The following OR4D9 variants were observed in gnomAD, a reference collection of about 807,000 sequenced individuals.
The protein encoded by OR4D9 is olfactory receptor 4D9.
A neutral mutation model predicts 0.8 loss-of-function variants in OR4D9; 2 were observed. That is an observed-to-expected ratio of 2.58 (90% CI 1.06 to 8.13). The LOEUF (loss-of-function observed/expected upper bound fraction) is 8.13, where lower values mean the gene tolerates loss of function less well. OR4D9 is among the 30% of genes most tolerant of loss of function. The pLI is 0.04. For missense variants in OR4D9, 399 were observed against 384.7 expected (o/e 1.04, Z -0.31); for synonymous variants, 146 against 151.2 (o/e 0.97, Z 0.25).
chr11:59,515,333 T>A lies in OR4D9; in HGVS notation c.421T>A (p.Cys141Ser), dbSNP rs1259352757. ...TATGACCATCATGAGTAGGGGGCGA[T>A]GCACAGGCCTCATCGTGGCTTCCTG... Reference protein sequence around the residue: ...HYMTIMSRGRCTGLIVASWVG... With the variant: ...HYMTIMSRGRSTGLIVASWVG... Residue 141 changes from cysteine (C) to serine (S), a missense_variant, in exon 3 of 3, where the codon TGC becomes AGC. Coordinates refer to ENST00000641962, the MANE Select transcript of OR4D9 (RefSeq NM_001004711.2). 1 of 1,613,884 alleles carries A rather than the reference T, an allele frequency of 6.2e-7. No homozygotes were observed. Among genetic ancestry groups the A allele is most frequent in the Non-Finnish European group, 8.5e-7 (1 of 1,179,918 alleles).
Position 59,512,735 on chromosome 11 carries a change from G to A in OR4D9, c.-125+989G>A, listed in dbSNP as rs959719572. Among the ~76,000 whole-genome samples the A allele has an allele frequency of 1.0e-3, 158 of 151,830 alleles. 3 individuals carry two copies. Among genetic ancestry groups the A allele is most frequent in the Admixed American group, 0.01 (157 of 15,236 alleles). On this transcript the variant is annotated intron_variant, in intron 1 of 2. Coordinates refer to ENST00000641962, the MANE Select transcript of OR4D9 (RefSeq NM_001004711.2). ...TAGTCCCAGCTACTGGGGAGGCTGA[G>A]GTGGGAGGATCAATTGAGCCCAGGA...
In OR4D9 at chr11:59,514,926, A is replaced by T; in HGVS notation, c.14A>T (p.Asn5Ile). Residue 5 changes from asparagine (N) to isoleucine (I), a missense_variant, in exon 3 of 3, where the codon AAT (asparagine) becomes ATT (isoleucine). By Grantham distance (149) the Asn-to-Ile change is moderately radical. Coordinates refer to ENST00000641962, the MANE Select transcript of OR4D9 (RefSeq NM_001004711.2). ...ATCTGTGATTCAATGGATCAGAGAA[A>T]TTACACCAGAGTGAAAGAATTTACC... MDQR[N>I]YTRVKEFTFL... The T allele has an allele frequency of 3.7e-6, 6 of 1,608,850 alleles. No individual in the cohort carries two copies. Among genetic ancestry groups the T allele is most frequent in the Non-Finnish European group, 5.1e-6 (6 of 1,176,400 alleles).
Position 59,515,760 on chromosome 11 carries a change from A to G in OR4D9, c.848A>G (p.Asn283Ser), listed in dbSNP as rs1247679629. ...TTCACTGTCATCTCCCCTTTGCTCA[A>G]TCCTATAATTTACACGCTGAGGAAT... ...VTFTVISPLL[N>S]PIIYTLRNQE... Residue 283 changes from asparagine (N) to serine (S), a missense_variant, in exon 3 of 3, where the codon AAT (asparagine) becomes AGT (serine). Transcript: ENST00000641962. 3 of 1,614,084 alleles carry G rather than the reference A, an allele frequency of 1.9e-6. No individual in the cohort carries two copies. The highest frequency in any genetic ancestry group is 3.3e-5 in the Admixed American group (2 of 60,010).
intron 1 of OR4D9, 47 bp downstream of exon 1, chr11:59,511,793 T>G (rs752515880): frequency 1.3e-5 from 2 of 152,192 alleles, no homozygotes; most frequent in Non-Finnish European, 2.9e-5. Context: ...TTGCAAAATA[T>G]AGGAAGATGG....
chr11:59,515,506 G>A lies in OR4D9; in HGVS notation c.594G>A (p.Leu198=). ...ACTDTFTLEL[L]MISNNGLVSW... ...CTGACACCTTCACTCTGGAGCTCCT[G>A]ATGATTTCAAATAATGGGTTAGTCA... is the stretch of plus-strand genomic sequence containing the variant. The change falls in exon 3 of 3, where the codon CTG becomes CTA. Residue 198 remains leucine (L), a synonymous_variant. Transcript: ENST00000641962. 1.2e-6 allele frequency: 2 copies of A among 1,614,122 alleles called. No homozygotes were observed. Among genetic ancestry groups the A allele is most frequent in the Non-Finnish European group, 1.7e-6 (2 of 1,180,018 alleles).
At position 59,518,209 on chromosome 11, in the gene OR4D9, A is replaced by C. The variant is rs1859429280; in HGVS notation, c.*2352A>C. Reference sequence around the variant, plus strand: ...TCACCATACTGTGTTCCCCACTATGATAAAGCTCAAGCCATAGCAGCTGGC... The same window carrying C: ...TCACCATACTGTGTTCCCCACTATGCTAAAGCTCAAGCCATAGCAGCTGGC... On this transcript the variant is annotated 3_prime_UTR_variant, in exon 3 of 3. Transcript: ENST00000641962. The C allele has an allele frequency of 1.3e-5, 2 of 152,250 alleles. No homozygotes were observed. Among genetic ancestry groups the C allele is most frequent in the African/African-American group, 4.8e-5 (2 of 41,460 alleles). The allele number at this position is 152,250 out of a possible 1,614,324, so 9.4% of individuals were successfully genotyped here.
In OR4D9 at chr11:59,516,977, G is replaced by A. The variant is rs1278494299; in HGVS notation, c.*1120G>A. On this transcript the variant is annotated 3_prime_UTR_variant, in exon 3 of 3. Coordinates refer to ENST00000641962, the MANE Select transcript of OR4D9 (RefSeq NM_001004711.2). Reference sequence around the variant, plus strand: ...CCAGCTACTGGGGAGGCTGAGGCGGGAGAATGGCATGAACCCGGGAAGCAG... The same window carrying A: ...CCAGCTACTGGGGAGGCTGAGGCGGAAGAATGGCATGAACCCGGGAAGCAG... 2.6e-5 allele frequency: 4 copies of A among 152,180 alleles called. No individual in the cohort carries two copies. The East Asian group carries it at 7.7e-4, about 29-fold the overall frequency. 9.4% of individuals were successfully genotyped at this position (152,180 alleles called of 1,614,324 possible). A position where few individuals can be genotyped will look rare whatever the true frequency, so the allele number is the denominator to read the frequency against.
chr11:59,515,686 T>C lies in OR4D9; in HGVS notation c.774T>C (p.Tyr258=), dbSNP rs149854761. 1.9e-6 allele frequency: 3 copies of C among 1,614,158 alleles called. No homozygotes were observed. Among genetic ancestry groups the C allele is most frequent in the South Asian group, 1.1e-5 (1 of 91,078 alleles). The change falls in exon 3 of 3, where the codon TAT becomes TAC. Residue 258 remains tyrosine (Y), a synonymous_variant. Coordinates refer to ENST00000641962, the MANE Select transcript of OR4D9 (RefSeq NM_001004711.2). Reference sequence around the variant, plus strand: ...ATTTCGTGCCCTGCATCTATGTCTATGCCCGGCCCTTCACTGCCCTCCCCA... The same window carrying C: ...ATTTCGTGCCCTGCATCTATGTCTACGCCCGGCCCTTCACTGCCCTCCCCA... ...TLHFVPCIYV[Y]ARPFTALPTD... is the part of the protein sequence containing the mutation.
chr11:59,513,669 G>T (rs1026499979), intron 1 of OR4D9, among the ~76,000 whole-genome samples: 2 of 152,104 alleles, frequency 1.3e-5, no homozygotes, highest in Admixed American at 1.3e-4. Context: ...AGGTGTGGTG[G>T]CTCATGCTTG....
intron 1 of OR4D9, among the ~76,000 whole-genome samples, chr11:59,514,305 C>T (rs2134585307): frequency 6.6e-6 from 1 of 152,248 alleles, no homozygotes; most frequent in South Asian, 2.1e-4. Flanking sequence ...CTATCTTTTT[C>T]AATTTAGCCA....
Position 59,515,136 on chromosome 11 carries a change from C to G in OR4D9, c.224C>G (p.Ser75Cys), listed in dbSNP as rs1859384777. ...TCTATTCTTGACATCTGCTTTTCCT[C>G]CATCACAGCTCCTAAGGTCCTGATA... ...NLSILDICFS[S>C]ITAPKVLIDL... Residue 75 changes from serine to cysteine, a missense_variant, in exon 3 of 3, where the codon TCC (serine) becomes TGC (cysteine). Ser to Cys is a moderately radical substitution (Grantham distance 112, BLOSUM62 -1). Transcript: ENST00000641962. 3 of 1,614,040 alleles carry G rather than the reference C, an allele frequency of 1.9e-6. No individual in the cohort carries two copies. The highest frequency in any genetic ancestry group is 3.3e-5 in the Admixed American group (2 of 60,008).
In OR4D9 at chr11:59,520,379, A is replaced by C. The variant is rs923985461; in HGVS notation, c.*4522A>C. The C allele has an allele frequency of 6.7e-6, 1 of 149,054 alleles. No individual in the cohort carries two copies. Among genetic ancestry groups the C allele is most frequent in the Non-Finnish European group, 1.5e-5 (1 of 67,564 alleles). The allele number at this position is 149,054 out of a possible 1,614,324, so 9.2% of individuals were successfully genotyped here. A position where few individuals can be genotyped will look rare whatever the true frequency, so the allele number is the denominator to read the frequency against. On this transcript the variant is annotated 3_prime_UTR_variant, in exon 3 of 3. Transcript: ENST00000641962. ...ATTTCTACCACTCAAAAATGTTCTG[A>C]ATTTCTCACTCATAGATGGGAATTG...
Position 59,515,632 on chromosome 11 carries a change from C to A in OR4D9, c.720C>A (p.Cys240Ter), listed in dbSNP as rs756745085. Residue 240 changes from cysteine to a stop codon, truncating the protein, a stop_gained, in exon 3 of 3, where the codon TGC (cysteine) becomes TGA (stop). Coordinates refer to ENST00000641962, the MANE Select transcript of OR4D9 (RefSeq NM_001004711.2). LOFTEE classifies it high-confidence loss of function. Reference sequence around the variant, plus strand: ...GCAGGAGGAAAGCCATCTCCACCTGCACCTCCCACATCACCGTGGTGACCC... The same window carrying A: ...GCAGGAGGAAAGCCATCTCCACCTGAACCTCCCACATCACCGTGGTGACCC... ...GEGRRKAIST[C>*]TSHITVVTLH... 3 of 1,614,084 alleles carry A rather than the reference C, an allele frequency of 1.9e-6. No homozygotes were observed. Among genetic ancestry groups the A allele is most frequent in the Middle Eastern group, 1.6e-4 (1 of 6,084 alleles).
In OR4D9 at chr11:59,517,532, A is replaced by G. The variant is rs933743095; in HGVS notation, c.*1675A>G. The G allele has an allele frequency of 2.0e-5, 3 of 152,204 alleles. No homozygotes were observed. Among genetic ancestry groups the G allele is most frequent in the Admixed American group, 2.0e-4 (3 of 15,276 alleles). The allele number at this position is 152,204 out of a possible 1,614,324, so 9.4% of individuals were successfully genotyped here. On this transcript the variant is annotated 3_prime_UTR_variant, in exon 3 of 3. Coordinates refer to ENST00000641962, the MANE Select transcript of OR4D9 (RefSeq NM_001004711.2). The stretch of plus-strand genomic sequence containing the variant: ...AATAATGCTGTTAGTGAGAGTGTTC[A>G]TAAAGAAGAATCACTGTTGCCGGGC...
intron 1 of OR4D9, among the ~76,000 whole-genome samples, chr11:59,512,279 G>T (rs1043332364): frequency 5.3e-5 from 8 of 151,072 alleles, no homozygotes; most frequent in African/African-American, 1.9e-4. Flanking sequence ...GTCCCCTTTG[G>T]GATGATTTTT....
Position 59,515,044 on chromosome 11 carries a change from C to T in OR4D9, c.132C>T (p.Leu44=), listed in dbSNP as rs760304952. 2 of 1,614,140 alleles carry T rather than the reference C, an allele frequency of 1.2e-6. No homozygotes were observed. The highest frequency in any genetic ancestry group is 2.2e-5 in the East Asian group (1 of 44,874). ...VYMTTLMGNF[L]IMVTVTCESH... ...TGACAACTCTAATGGGAAACTTCCTCATCATGGTTACAGTTACCTGTGAAT... is the reference window on the plus strand; with the variant it reads ...TGACAACTCTAATGGGAAACTTCCTTATCATGGTTACAGTTACCTGTGAAT... The change falls in exon 3 of 3, where the codon CTC becomes CTT. Residue 44 remains leucine (L), a synonymous_variant. Transcript: ENST00000641962.
At position 59,515,898 on chromosome 11, in the gene OR4D9, T is replaced by C. The variant is rs982781789; in HGVS notation, c.*41T>C. On this transcript the variant is annotated 3_prime_UTR_variant, in exon 3 of 3. Transcript: ENST00000641962. ...CATATTTAAAGATAGACATTAAATT[T>C]CACTTTCTCAAAATGGGAAAGGAGC... The C allele has an allele frequency of 2.1e-6, 3 of 1,428,536 alleles. No homozygotes were observed. The Admixed American group carries it at 6.7e-5, about 32-fold the overall frequency. 88.5% of individuals were successfully genotyped at this position (1,428,536 alleles called of 1,614,324 possible).
At position 59,515,719 on chromosome 11, in the gene OR4D9, T is replaced by C. The variant is rs771968515; in HGVS notation, c.807T>C (p.Thr269=). 6.8e-6 allele frequency: 11 copies of C among 1,613,994 alleles called. No homozygotes were observed. The highest frequency in any genetic ancestry group is 1.3e-5 in the African/African-American group (1 of 74,892). Reference sequence around the variant, plus strand: ...CCTTCACTGCCCTCCCCACAGACACTGCCATCTCTGTCACCTTCACTGTCA... The same window carrying C: ...CCTTCACTGCCCTCCCCACAGACACCGCCATCTCTGTCACCTTCACTGTCA... ...ARPFTALPTD[T]AISVTFTVIS... Residue 269 remains threonine, a synonymous_variant, in exon 3 of 3, where the codon ACT becomes ACC. Coordinates refer to ENST00000641962, the MANE Select transcript of OR4D9 (RefSeq NM_001004711.2).
In OR4D9 at chr11:59,515,775, C is replaced by A. The variant is rs773976727; in HGVS notation, c.863C>A (p.Thr288Lys). Residue 288 changes from threonine (T) to lysine (K), a missense_variant, in exon 3 of 3, where the codon ACG becomes AAG. Coordinates refer to ENST00000641962, the MANE Select transcript of OR4D9 (RefSeq NM_001004711.2). ...CCTTTGCTCAATCCTATAATTTACACGCTGAGGAATCAGGAAATGAAGTTG... is the reference window on the plus strand; with the variant it reads ...CCTTTGCTCAATCCTATAATTTACAAGCTGAGGAATCAGGAAATGAAGTTG... ...ISPLLNPIIY[T>K]LRNQEMKLAM... 6.2e-7 allele frequency: 1 copy of A among 1,614,100 alleles called. No individual in the cohort carries two copies. Among genetic ancestry groups the A allele is most frequent in the African/African-American group, 1.3e-5 (1 of 75,022 alleles).
Sources: allele counts gnomAD v4.1 joint callset (sites outside exome capture counted in the v4.1 genomes callset), GRCh38; gene constraint gnomAD v4.1.1; transcripts MANE v1.5; gene names NCBI Gene and HGNC (gene_info 2026-07-23, HGNC 2026-07-21).